ZSWIM5: variants seen among roughly 807,000 people sequenced by gnomAD.
ZSWIM5 encodes the protein zinc finger SWIM-type containing 5, also known as zinc finger SWIM domain-containing protein 5.
A neutral mutation model predicts 119.6 loss-of-function variants in ZSWIM5; 55 were observed. The observed-to-expected ratio is 0.46, with a 90% CI of 0.37 to 0.58. ZSWIM5 has a LOEUF of 0.58. ZSWIM5 is among the 20% of genes least tolerant of loss of function. The probability of loss-of-function intolerance (pLI) is 0.00; values close to 1 mark genes in which losing one functional copy is unlikely to be tolerated. For synonymous variants in ZSWIM5, 537 were observed against 606.9 expected (o/e 0.88, Z 1.69); for missense variants, 1,193 against 1,512.8 (o/e 0.79, Z 3.51).
intron 1 of ZSWIM5, among the ~76,000 whole-genome samples, chr1:45,194,337 T>C (rs529342858): frequency 2.6e-5 from 4 of 152,298 alleles, no homozygotes; most frequent in Admixed American, 2.0e-4. Flanking sequence ...ATTTTCCTGA[T>C]TAGTTCCATT....
At chr1:45,176,146 A>T (rs1245457739) in intron 1 of ZSWIM5, among the ~76,000 whole-genome samples, 2 of 148,412 alleles carry the variant, frequency 1.3e-5, no homozygotes, top group South Asian at 2.1e-4. Context: ...ATATATATAT[A>T]ATATATATTA....
At chr1:45,094,052 T>G (rs1401728492) in intron 1 of ZSWIM5, among the ~76,000 whole-genome samples, 1 of 148,942 alleles carries the variant, frequency 6.7e-6, no homozygotes, top group Non-Finnish European at 1.5e-5. Context: ...TTTATTTATT[T>G]ATTTATTTAT....
rs185982067 is a variant in ZSWIM5, at chr1:45,203,419, T to A, written c.595+2337A>T. ...CTTATGACTCTTTTTCTTAAAAAGATGTTGTCACAGAAATACCCCAACTTT... is the reference window on the plus strand; with the variant it reads ...CTTATGACTCTTTTTCTTAAAAAGAAGTTGTCACAGAAATACCCCAACTTT... On this transcript the variant is annotated intron_variant, in intron 1 of 13. Coordinates refer to ENST00000359600, the MANE Select transcript of ZSWIM5 (RefSeq NM_020883.2). Among the ~76,000 whole-genome samples the A allele has an allele frequency of 6.7e-4, 102 of 152,164 alleles. 1 individual carries two copies. In the East Asian group the frequency reaches 0.018, roughly 27 times the overall value.
rs1199172781 is a variant in ZSWIM5 at position 45,035,786 on chromosome 1, T to A, written c.2193A>T (p.Arg731=). Residue 731 remains arginine (R), a synonymous_variant, in exon 10 of 14, where the codon CGA becomes CGT. Coordinates refer to ENST00000359600, the MANE Select transcript of ZSWIM5 (RefSeq NM_020883.2). The part of the protein sequence containing the change: ...PFSGLGEVIH[R]ESVPMHTFAK... ...CAAAGGTATGCATGGGAACACTCTC[T>A]CGGTGGATGACTTCTCCCAGACCGC... The A allele has an allele frequency of 3.7e-6, 6 of 1,613,750 alleles. No homozygotes were observed. The South Asian group carries it at 6.6e-5, about 18-fold the overall frequency.
At chr1:45,180,534 C>T (rs1463315138) in intron 1 of ZSWIM5, among the ~76,000 whole-genome samples, 1 of 152,182 alleles carries the variant, frequency 6.6e-6, no homozygotes, top group Non-Finnish European at 1.5e-5. Context: ...CAGCAGTAAC[C>T]TCTGCAGACT....
At chr1:45,174,670 G>A (rs1645968422) in intron 1 of ZSWIM5, among the ~76,000 whole-genome samples, 1 of 151,930 alleles carries the variant, frequency 6.6e-6, no homozygotes, top group Admixed American at 6.6e-5. Flanking sequence ...AACCTGCAAG[G>A]TGGAGTTTGC....
chr1:45,107,063 A>C (rs535163082), intron 1 of ZSWIM5, among the ~76,000 whole-genome samples: 12 of 152,324 alleles, frequency 7.9e-5, no homozygotes, highest in African/African-American at 2.9e-4. Flanking sequence ...GTACCCAGGG[A>C]CACAAACAGG....
At chr1:45,145,424 T>A (rs1645754218) in intron 1 of ZSWIM5, among the ~76,000 whole-genome samples, 1 of 150,822 alleles carries the variant, frequency 6.6e-6, no homozygotes, top group Admixed American at 6.6e-5. Flanking sequence ...AACCCAAATA[T>A]CCTTTAACAG....
intron 11 of ZSWIM5, among the ~76,000 whole-genome samples, chr1:45,033,750 A>G (rs1644965953): frequency 6.6e-6 from 1 of 152,218 alleles, no homozygotes; most frequent in African/African-American, 2.4e-5. Flanking sequence ...TAGAAAGGTG[A>G]AGTGATTTTA....
At chr1:45,084,326 G>T (rs1645312115) in intron 2 of ZSWIM5, among the ~76,000 whole-genome samples, 1 of 152,100 alleles carries the variant, frequency 6.6e-6, no homozygotes, top group South Asian at 2.1e-4. Context: ...TCCAACAGTG[G>T]GGATTACAAA....
intron 8 of ZSWIM5, among the ~76,000 whole-genome samples, chr1:45,037,704 G>A (rs927004723): frequency 2.0e-5 from 3 of 152,238 alleles, no homozygotes; most frequent in Non-Finnish European, 4.4e-5. Context: ...GGGAAGATAA[G>A]GAGCAGCCTG....
At chr1:45,036,930 C>T (rs150759385) in intron 8 of ZSWIM5, among the ~76,000 whole-genome samples, 273 of 152,148 alleles carry the variant, frequency 1.8e-3, no homozygotes, top group African/African-American at 6.3e-3. Flanking sequence ...TCCTGAGTAG[C>T]TGGGACTACA....
Position 45,206,252 on chromosome 1 carries a change from A to G in ZSWIM5, c.99T>C (p.Pro33=). ...CSWPSPQAHH[P]RGSPGAAGGG... is the part of the protein sequence containing the mutation. ...CGCCGGCTGCCCCAGGCGAACCGCG[A>G]GGGTGATGAGCCTGCGGGCTGGGCC... Residue 33 remains proline (P), a synonymous_variant, in exon 1 of 14, where the codon CCT becomes CCC. Transcript: ENST00000359600. 6.3e-7 allele frequency: 1 copy of G among 1,584,878 alleles called. No homozygotes were observed. Among genetic ancestry groups the G allele is most frequent in the Non-Finnish European group, 8.6e-7 (1 of 1,166,960 alleles).
intron 1 of ZSWIM5, among the ~76,000 whole-genome samples, chr1:45,150,797 C>A (rs1479646697): frequency 6.6e-6 from 1 of 152,178 alleles, no homozygotes; most frequent in Non-Finnish European, 1.5e-5. Flanking sequence ...ATTTATCCCA[C>A]AAGATCTTGC....
intron 11 of ZSWIM5, among the ~76,000 whole-genome samples, chr1:45,030,148 T>G (rs1644943318): frequency 6.6e-6 from 1 of 152,118 alleles, no homozygotes; most frequent in Non-Finnish European, 1.5e-5. Flanking sequence ...CTCACTATGT[T>G]GCCCAGGCTG....
chr1:45,186,408 A>G (rs964147467), intron 1 of ZSWIM5, among the ~76,000 whole-genome samples: 8 of 151,696 alleles, frequency 5.3e-5, no homozygotes, highest in Non-Finnish European at 1.2e-4. Flanking sequence ...TAATAATAAT[A>G]AAAAAAGAAA....
chr1:45,110,822 A>T (rs1645512176), intron 1 of ZSWIM5, among the ~76,000 whole-genome samples: 1 of 152,200 alleles, frequency 6.6e-6, no homozygotes, highest in South Asian at 2.1e-4. Flanking sequence ...GTGGCCACAG[A>T]GAGCTCTTTA....
chr1:45,021,691 A>G (rs1644888485), intron 11 of ZSWIM5, among the ~76,000 whole-genome samples: 1 of 152,178 alleles, frequency 6.6e-6, no homozygotes, highest in South Asian at 2.1e-4. Context: ...AATAAAACAC[A>G]TTGGGGACCG....
At chr1:45,198,862 T>C (rs534904855) in intron 1 of ZSWIM5, among the ~76,000 whole-genome samples, 40 of 152,360 alleles carry the variant, frequency 2.6e-4, no homozygotes, top group African/African-American at 7.0e-4. Flanking sequence ...ATGGAGTTTA[T>C]GTTGAGAAAT....
Sources: gnomAD v4.1 joint callset for allele counts (sites outside exome capture counted in the v4.1 genomes callset) on GRCh38, gnomAD v4.1.1 for gene constraint, MANE v1.5 for transcripts, NCBI Gene and HGNC (gene_info 2026-07-23, HGNC 2026-07-21) for gene names.